Variants in ASZ1 observed in about 807,000 individuals in gnomAD.
The protein encoded by ASZ1 is ankyrin repeat, SAM and basic leucine zipper domain containing 1.
ASZ1 carries 67 observed loss-of-function variants against 61.8 expected under a neutral mutation model. The ratio of observed to expected loss-of-function variants is 1.08; its 90% CI spans 0.89 to 1.33. ASZ1 has a LOEUF of 1.33. ASZ1 is among the 40% of genes most tolerant of loss of function. The pLI is 0.00. For missense variants in ASZ1, 577 were observed against 554.5 expected, an observed-to-expected ratio of 1.04 and a Z score of -0.41; for synonymous variants, 193 against 192.7, an observed-to-expected ratio of 1.00 and a Z score of -0.01.
chr7:117,369,341 G>T (rs1796005083), intron 10 of ASZ1, among the ~76,000 whole-genome samples: 1 of 152,122 alleles, frequency 6.6e-6, no homozygotes, highest in South Asian at 2.1e-4. Context: ...AGTAGTAAGA[G>T]AAAAGGCTGG....
chr7:117,425,959 C>A, intron 2 of ASZ1, among the ~76,000 whole-genome samples: 1 of 152,080 alleles, frequency 6.6e-6, no homozygotes, highest in South Asian at 2.1e-4. Flanking sequence ...GGTGCCACTG[C>A]ACTCCAGCAG....
At chr7:117,402,239 T>G (rs1338791786) in intron 4 of ASZ1, among the ~76,000 whole-genome samples, 1 of 152,188 alleles carries the variant, frequency 6.6e-6, no homozygotes, top group Non-Finnish European at 1.5e-5. Flanking sequence ...ACTATTGATG[T>G]GCTCCCTTTG....
intron 6 of ASZ1, among the ~76,000 whole-genome samples, chr7:117,383,723 A>T (rs1292394572): frequency 1.3e-5 from 2 of 152,144 alleles, no homozygotes; most frequent in East Asian, 3.9e-4. Context: ...ATGATTTATG[A>T]CTCAAAATAA....
chr7:117,367,544 C>T, intron 11 of ASZ1, 79 bp from the exon 12 acceptor site: 1 of 1,240,226 alleles, frequency 8.1e-7, no homozygotes, highest in East Asian at 3.0e-5. Context: ...GATTATACAA[C>T]ATTCTTAAAC....
chr7:117,422,626 A>G (rs987844368), intron 2 of ASZ1, among the ~76,000 whole-genome samples: 2 of 152,218 alleles, frequency 1.3e-5, no homozygotes, highest in African/African-American at 4.8e-5. Context: ...TGTATATTAT[A>G]ACAGGTTTTT....
intron 4 of ASZ1, among the ~76,000 whole-genome samples, chr7:117,419,394 GA>G (rs1797058499): frequency 6.6e-6 from 1 of 151,912 alleles, no homozygotes; most frequent in Admixed American, 6.6e-5. Flanking sequence ...AACCAATTTA[GA>G]AAAAAACTTC....
rs372482042 is a variant in ASZ1 at position 117,367,737 on chromosome 7, A to G, written c.1162-272T>C. On this transcript the variant is annotated intron_variant, in intron 11 of 12. Coordinates refer to ENST00000284629, the MANE Select transcript of ASZ1 (RefSeq NM_130768.3). ...ACATTTATGATGAACAAATCAGTTC[A>G]TGAAGGTTTTAAAAATGATGATTCT... 56 of 957,996 alleles carry G rather than the reference A, an allele frequency of 5.8e-5. 1 individual carries two copies. In the East Asian group the frequency reaches 3.7e-3, roughly 64 times the overall value. The allele number at this position is 957,996 out of a possible 1,614,324, so 59.3% of individuals were successfully genotyped here. A position where few individuals can be genotyped will look rare whatever the true frequency, so the allele number is the denominator to read the frequency against.
In ASZ1 at chr7:117,418,369, T is replaced by C. The variant is rs574635502; in HGVS notation, c.440+1794A>G. 9.5e-4 allele frequency among the ~76,000 whole-genome samples: 145 copies of C among 152,240 alleles called. 1 individual carries two copies. Among genetic ancestry groups the C allele is most frequent in the African/African-American group, 3.5e-3 (144 of 41,552 alleles). ...ACAGGATAAAAGTTTCGTTAAAAGT[T>C]TGAGGCCGGGTGCGGTGGCTCATGC... is the stretch of plus-strand genomic sequence containing the variant. On this transcript the variant is annotated intron_variant, in intron 4 of 12. Coordinates refer to ENST00000284629, the MANE Select transcript of ASZ1 (RefSeq NM_130768.3).
chr7:117,380,584 T>C (rs945073912), intron 9 of ASZ1, among the ~76,000 whole-genome samples: 10 of 151,612 alleles, frequency 6.6e-5, no homozygotes, highest in African/African-American at 2.4e-4. Context: ...CTCTAATACA[T>C]CCCGCAGCTA....
At chr7:117,427,243 G>A in intron 1 of ASZ1, 113 bp downstream of exon 1, 2 of 1,232,018 alleles carry the variant, frequency 1.6e-6, no homozygotes, top group Non-Finnish European at 2.4e-6. Flanking sequence ...TTTCCACTGG[G>A]TAAAAGGGAA....
chr7:117,396,490 A>G (rs768547603), intron 4 of ASZ1, among the ~76,000 whole-genome samples: 1 of 152,214 alleles, frequency 6.6e-6, no homozygotes, highest in African/African-American at 2.4e-5. Context: ...AAAATCAGAG[A>G]TTTTAACTTT....
At chr7:117,370,876 C>T (rs1208900385) in intron 10 of ASZ1, among the ~76,000 whole-genome samples, 1 of 149,448 alleles carries the variant, frequency 6.7e-6, no homozygotes, top group East Asian at 2.0e-4. Flanking sequence ...GTTGCCCAGG[C>T]TGGAGTGCAG....
chr7:117,425,328 C>G (rs1339505083), intron 2 of ASZ1, among the ~76,000 whole-genome samples: 1 of 132,348 alleles, frequency 7.6e-6, no homozygotes, highest in Admixed American at 9.5e-5. Context: ...TGCAGTGGCG[C>G]GATCTCGGCT....
chr7:117,385,745 C>G lies in ASZ1; in HGVS notation c.505G>C (p.Val169Leu). Residue 169 changes from valine to leucine, a missense_variant, in exon 5 of 13, where the codon GTT (valine) becomes CTT (leucine). Coordinates refer to ENST00000284629, the MANE Select transcript of ASZ1 (RefSeq NM_130768.3). Reference protein sequence around the residue: ...DGHTQVVALLVAHGAEVNTQD... With the variant: ...DGHTQVVALLLAHGAEVNTQD... ...GTATTAACTTCTGCTCCATGAGCAA[C>G]AAGGAGAGCAACAACCTGGGTGTGA... The G allele has an allele frequency of 6.2e-7, 1 of 1,613,578 alleles. No homozygotes were observed. The highest frequency in any genetic ancestry group is 8.5e-7 in the Non-Finnish European group (1 of 1,179,690).
intron 3 of ASZ1, 134 bp from the exon 4 acceptor site, chr7:117,420,408 G>T: frequency 1.8e-6 from 1 of 541,756 alleles, no homozygotes. Context: ...ACTCTTAGCA[G>T]GTAACTTTGT....
chr7:117,363,729 T>C lies in ASZ1; in HGVS notation c.1295A>G (p.Asn432Ser), dbSNP rs2116436327. The C allele has an allele frequency of 6.3e-7, 1 of 1,577,012 alleles. No individual in the cohort carries two copies. The highest frequency in any genetic ancestry group is 8.6e-7 in the Non-Finnish European group (1 of 1,162,672). Reference sequence around the variant, plus strand: ...CCTTAATTGTATATGAGTTGGATCATTTTCCCGTTCATTTTGCAACTAATA... The same window carrying C: ...CCTTAATTGTATATGAGTTGGATCACTTTCCCGTTCATTTTGCAACTAATA... ...LIQKLQNERE[N>S]DPTHIQLREE... The change falls in exon 13 of 13, where the codon AAT (asparagine) becomes AGT (serine). Residue 432 changes from asparagine (N) to serine (S), a missense_variant. By Grantham distance (46) the Asn-to-Ser change is conservative. Coordinates refer to ENST00000284629, the MANE Select transcript of ASZ1 (RefSeq NM_130768.3).
At chr7:117,418,525 C>T (rs1008497291) in intron 4 of ASZ1, among the ~76,000 whole-genome samples, 4 of 151,856 alleles carry the variant, frequency 2.6e-5, no homozygotes, top group Non-Finnish European at 4.4e-5. Context: ...TGGTGGCGTG[C>T]GTCTCTAATC....
At chr7:117,406,441 A>G in intron 4 of ASZ1, among the ~76,000 whole-genome samples, 1 of 152,218 alleles carries the variant, frequency 6.6e-6, no homozygotes, top group East Asian at 1.9e-4. Context: ...CATAATTGAT[A>G]GCAATACTAA....
intron 8 of ASZ1, among the ~76,000 whole-genome samples, chr7:117,381,795 G>A (rs1796259276): frequency 6.6e-6 from 1 of 152,116 alleles, no homozygotes; most frequent in Non-Finnish European, 1.5e-5. Flanking sequence ...AAGAAGATGA[G>A]CAACTACAGA....
Sources: allele counts gnomAD v4.1 joint callset (sites outside exome capture counted in the v4.1 genomes callset), GRCh38; gene constraint gnomAD v4.1.1; transcripts MANE v1.5; gene names NCBI Gene and HGNC (gene_info 2026-07-23, HGNC 2026-07-21).